Variants in MYLK observed in about 807,000 individuals in gnomAD.
MYLK encodes the protein myosin light chain kinase, smooth muscle.
MYLK carries 106 observed loss-of-function variants against 203.4 expected under a neutral mutation model. The observed-to-expected ratio is 0.52, with a 90% CI of 0.45 to 0.61. The LOEUF is 0.61. Ranked by LOEUF, MYLK falls within the 20% of genes least tolerant of loss-of-function variation. The pLI is 0.00. For synonymous variants in MYLK, 867 were observed against 959.5 expected, an observed-to-expected ratio of 0.90 and a Z score of 1.78; for missense variants, 2,072 against 2,442.3, an observed-to-expected ratio of 0.85 and a Z score of 3.20.
Position 123,732,963 on chromosome 3 carries a change from C to T in MYLK, c.1449G>A (p.Gly483=). 1.2e-6 allele frequency: 2 copies of T among 1,614,206 alleles called. No individual in the cohort carries two copies. Among genetic ancestry groups the T allele is most frequent in the East Asian group, 2.2e-5 (1 of 44,880 alleles). The change falls in exon 11 of 34, where the codon GGG becomes GGA. Residue 483 remains glycine (G), a synonymous_variant. Coordinates refer to ENST00000360304, the MANE Select transcript of MYLK (RefSeq NM_053025.4). ...CGTTGGAAGCAGTGCAGCTGTATGTCCCACTGTCCCTGGTCCGGGCTTTCA... is the reference window on the plus strand; with the variant it reads ...CGTTGGAAGCAGTGCAGCTGTATGTTCCACTGTCCCTGGTCCGGGCTTTCA... ...CLLKARTRDS[G]TYSCTASNAQ...
chr3:123,857,368 T>C lies in MYLK; in HGVS notation c.-127+19191A>G, dbSNP rs2031493893. ...CACACGTATGTTTATTGCGGCTCTA[T>C]TCACAATAGCAAAGACTTGGAACCA... On this transcript the variant is annotated intron_variant, in intron 2 of 33. Coordinates refer to ENST00000360304, the MANE Select transcript of MYLK (RefSeq NM_053025.4). 4.6e-5 allele frequency among the ~76,000 whole-genome samples: 7 copies of C among 151,978 alleles called. No homozygotes were observed. The South Asian group carries it at 1.5e-3, about 32-fold the overall frequency.
At chr3:123,686,794 C>A (rs1488442559) in intron 19 of MYLK, among the ~76,000 whole-genome samples, 3 of 152,134 alleles carry the variant, frequency 2.0e-5, no homozygotes, top group African/African-American at 7.2e-5. Flanking sequence ...CATGTATGCA[C>A]GGTGCTAAGT....
At chr3:123,615,341 C>CT (rs1010217655) in intron 33 of MYLK, among the ~76,000 whole-genome samples, 87 of 147,954 alleles carry the variant, frequency 5.9e-4, no homozygotes, top group South Asian at 2.1e-3. Context: ...TTTCTTTTTC[C>CT]TTTTTTTTTT....
chr3:123,778,371 A>G (rs1300278746), intron 4 of MYLK, among the ~76,000 whole-genome samples: 1 of 151,918 alleles, frequency 6.6e-6, no homozygotes, highest in Non-Finnish European at 1.5e-5. Flanking sequence ...AAATTAGCCG[A>G]GCGTGGTGGC....
chr3:123,700,234 C>A lies in MYLK; in HGVS notation c.3234G>T (p.Lys1078Asn). 2 of 1,613,880 alleles carry A rather than the reference C, an allele frequency of 1.2e-6. No homozygotes were observed. The highest frequency in any genetic ancestry group is 1.7e-6 in the Non-Finnish European group (2 of 1,180,024). Residue 1078 changes from lysine to asparagine, a missense_variant, in exon 18 of 34, where the codon AAG becomes AAT. Physicochemically the swap from Lys to Asn is moderately conservative, Grantham distance 94. Transcript: ENST00000360304. Reference protein sequence around the residue: ...KKDVKNDVNCKRGHAGTTDNE... With the variant: ...KKDVKNDVNCNRGHAGTTDNE... ...TATCTGTGGTCCCTGCATGGCCTCT[C>A]TTGCAGTTCACATCATTCTTAACGT... is the stretch of plus-strand genomic sequence containing the variant.
chr3:123,830,909 A>G (rs2066302716), intron 3 of MYLK, among the ~76,000 whole-genome samples: 1 of 152,226 alleles, frequency 6.6e-6, no homozygotes. Flanking sequence ...TTACTATTGT[A>G]CAGCTGCCCA....
At chr3:123,708,103 A>C (rs2061533777) in intron 15 of MYLK, 100 bp from the exon 16 acceptor site, 3 of 1,518,818 alleles carry the variant, frequency 2.0e-6, no homozygotes, top group East Asian at 2.4e-5. Context: ...ATAGCATGTC[A>C]CCCAAGTAAC....
intron 15 of MYLK, 53 bp downstream of exon 15, chr3:123,708,645 G>A (rs2061556414): frequency 2.5e-6 from 4 of 1,606,092 alleles, no homozygotes; most frequent in Non-Finnish European, 3.4e-6. Flanking sequence ...ATCACTTTTG[G>A]AGGGGCTGCA....
At chr3:123,718,531 A>C (rs536356436) in intron 13 of MYLK, among the ~76,000 whole-genome samples, 2 of 152,286 alleles carry the variant, frequency 1.3e-5, no homozygotes, top group East Asian at 3.9e-4. Flanking sequence ...ACTTTGCTGC[A>C]GCCACAGAGG....
rs377279216 is a variant in MYLK, at chr3:123,624,877, G to A, written c.5238+1941C>T. ...AACTCCACACTTGTGGCCCCCATTC[G>A]CCTTTGCTCCCTCTTTCAACCTCTG... On this transcript the variant is annotated intron_variant, in intron 31 of 33. Transcript: ENST00000360304. The A allele has an allele frequency of 5.3e-5, 8 of 152,280 alleles. No homozygotes were observed. In the East Asian group the frequency reaches 1.2e-3, roughly 22 times the overall value. 9.4% of individuals were successfully genotyped at this position (152,280 alleles called of 1,614,324 possible). A position where few individuals can be genotyped will look rare whatever the true frequency, so the allele number is the denominator to read the frequency against.
In MYLK at chr3:123,828,553, T is replaced by C. The variant is rs2066214864; in HGVS notation, c.-4+2995A>G. Among the ~76,000 whole-genome samples, 5 of 152,118 alleles carry C rather than the reference T, an allele frequency of 3.3e-5. No individual in the cohort carries two copies. The South Asian group carries it at 1.0e-3, about 32-fold the overall frequency. On this transcript the variant is annotated intron_variant, in intron 3 of 33. Coordinates refer to ENST00000360304, the MANE Select transcript of MYLK (RefSeq NM_053025.4). ...TCAGAACATTGGTCTGGGAAAATATTTTATGAATAAGACCTCAAAAGCACA... is the reference window on the plus strand; with the variant it reads ...TCAGAACATTGGTCTGGGAAAATATCTTATGAATAAGACCTCAAAAGCACA...
chr3:123,704,927 AAAAT>A lies in MYLK; in HGVS notation c.2390+2823_2390+2826del, dbSNP rs2061402362. ...AGAGTGAGATTCTGTCAAAAAATAA[AAAAT>A]AAATAAAAAAGAACTAATTTCCTGG... On this transcript the variant is annotated intron_variant, in intron 16 of 33. Transcript: ENST00000360304. Among the ~76,000 whole-genome samples the A allele has an allele frequency of 2.6e-5, 4 of 152,150 alleles. No homozygotes were observed. The South Asian group carries it at 8.3e-4, about 32-fold the overall frequency.
chr3:123,668,345 GA>G (rs2108354326), intron 20 of MYLK, among the ~76,000 whole-genome samples: 1 of 152,286 alleles, frequency 6.6e-6, no homozygotes, highest in African/African-American at 2.4e-5. Flanking sequence ...AGAAACTACT[GA>G]TACACAGAAC....
In MYLK at chr3:123,700,406, C is replaced by G. The variant is rs200041144; in HGVS notation, c.3062G>C (p.Gly1021Ala). The stretch of plus-strand genomic sequence containing the variant: ...GGCGTTGCCCACGGGTTTCAAGGGC[C>G]CTGAAGGCTGTGCATTGCTCAGGGG... ...SKPLSNAQPS[G>A]PLKPVGNAKP... Residue 1021 changes from glycine to alanine, a missense_variant, in exon 18 of 34, where the codon GGG becomes GCG. By Grantham distance (60) the Gly-to-Ala change is moderately conservative. Around this residue, in one of 3 missense-constraint regions of MYLK, gnomAD observed 865 missense variants for 1,016.0 expected, o/e 0.85. Coordinates refer to ENST00000360304, the MANE Select transcript of MYLK (RefSeq NM_053025.4). 9.3e-6 allele frequency: 15 copies of G among 1,613,236 alleles called. No individual in the cohort carries two copies. Among genetic ancestry groups the G allele is most frequent in the Admixed American group, 3.3e-5 (2 of 59,874 alleles).
chr3:123,865,401 C>T (rs978629783), intron 2 of MYLK, among the ~76,000 whole-genome samples: 3 of 152,204 alleles, frequency 2.0e-5, no homozygotes, highest in African/African-American at 7.2e-5. Flanking sequence ...TGAATGGAAA[C>T]TGGTTAGAAA....
intron 13 of MYLK, among the ~76,000 whole-genome samples, chr3:123,713,933 C>T (rs1450444469): frequency 6.6e-6 from 1 of 152,020 alleles, no homozygotes; most frequent in African/African-American, 2.4e-5. Flanking sequence ...TATAAAACAG[C>T]TAGAACAATA....
At chr3:123,842,596 C>T (rs1577107760) in intron 2 of MYLK, among the ~76,000 whole-genome samples, 1 of 45,244 alleles carries the variant, frequency 2.2e-5, no homozygotes, top group African/African-American at 1.1e-4. Context: ...TAATGCAAGT[C>T]TCAACAAATT....
At chr3:123,811,936 C>A (rs1467246866) in intron 3 of MYLK, among the ~76,000 whole-genome samples, 2 of 152,180 alleles carry the variant, frequency 1.3e-5, no homozygotes, top group Non-Finnish European at 1.5e-5. Flanking sequence ...TAACTACTAA[C>A]CCCCATTTCT....
At position 123,666,172 on chromosome 3, in the gene MYLK, C is replaced by T. The variant is rs768177171; in HGVS notation, c.3831+47G>A. The T allele has an allele frequency of 2.9e-5, 47 of 1,613,956 alleles. No homozygotes were observed. In the Middle Eastern group the frequency reaches 1.3e-3, roughly 45 times the overall value. On this transcript the variant is annotated intron_variant, in intron 22 of 33. Coordinates refer to ENST00000360304, the MANE Select transcript of MYLK (RefSeq NM_053025.4). The stretch of plus-strand genomic sequence containing the variant: ...CATCCCTTTCGGTCCAAAGGCTGTA[C>T]GGATTATTCCCAGCACCCCCAGTGC...
Sources: allele counts gnomAD v4.1 joint callset (sites outside exome capture counted in the v4.1 genomes callset), GRCh38; gene constraint gnomAD v4.1.1; regional missense constraint gnomAD v4.1.1; transcripts MANE v1.5; gene names NCBI Gene and HGNC (gene_info 2026-07-23, HGNC 2026-07-21).